Variants in APPBP2 observed in about 807,000 individuals in gnomAD.
APPBP2 encodes the protein amyloid protein-binding protein 2.
Under a neutral mutation model 76.0 loss-of-function variants are expected in APPBP2, and 15 were observed. The ratio of observed to expected loss-of-function variants is 0.20; its 90% CI spans 0.13 to 0.30. The LOEUF (loss-of-function observed/expected upper bound fraction) is 0.30. Ranked by LOEUF, APPBP2 falls within the 10% of genes least tolerant of loss-of-function variation. The pLI is 1.00. For synonymous variants in APPBP2, 222 were observed against 242.2 expected, an observed-to-expected ratio of 0.92 and a Z score of 0.77; for missense variants, 401 against 687.2, an observed-to-expected ratio of 0.58 and a Z score of 4.66.
chr17:60,473,099 A>G (rs1393996542), intron 4 of APPBP2, among the ~76,000 whole-genome samples: 1 of 152,156 alleles, frequency 6.6e-6, no homozygotes, highest in Non-Finnish European at 1.5e-5. Flanking sequence ...TGTGATGATA[A>G]TTATATTTGG....
At chr17:60,467,379 C>T (rs538078739) in intron 4 of APPBP2, among the ~76,000 whole-genome samples, 63 of 152,270 alleles carry the variant, frequency 4.1e-4, no homozygotes, top group African/African-American at 1.5e-3. Context: ...AGATTAGTAA[C>T]TCATAATGAG....
rs554610449 is a variant in APPBP2 at position 60,462,445 on chromosome 17, T to C, written c.763-384A>G. On this transcript the variant is annotated intron_variant, in intron 6 of 12. Coordinates refer to ENST00000083182, the MANE Select transcript of APPBP2 (RefSeq NM_006380.5). The stretch of plus-strand genomic sequence containing the variant: ...CCTGGAGTGGCTGACAACAATCTTT[T>C]GTTATTTTCATTTAATAATTTTTAA... 1.1e-4 allele frequency: 19 copies of C among 168,536 alleles called. No homozygotes were observed. In the East Asian group the frequency reaches 3.2e-3, roughly 29 times the overall value. The allele number at this position is 168,536 out of a possible 1,614,324, so 10.4% of individuals were successfully genotyped here. A position where few individuals can be genotyped will look rare whatever the true frequency, so the allele number is the denominator to read the frequency against.
intron 1 of APPBP2, among the ~76,000 whole-genome samples, chr17:60,507,184 G>A (rs1313891912): frequency 6.6e-6 from 1 of 151,746 alleles, no homozygotes; most frequent in African/African-American, 2.4e-5. Context: ...TACCCAGTAA[G>A]TAGTTTTTCA....
chr17:60,502,833 G>A (rs550265010), intron 1 of APPBP2, among the ~76,000 whole-genome samples: 7 of 145,860 alleles, frequency 4.8e-5, no homozygotes, highest in South Asian at 4.2e-4. Flanking sequence ...CCTGGGTGAT[G>A]GAGCAAAACT....
At chr17:60,486,593 A>C (rs973059540) in intron 3 of APPBP2, among the ~76,000 whole-genome samples, 2 of 152,054 alleles carry the variant, frequency 1.3e-5, no homozygotes, top group African/African-American at 4.8e-5. Flanking sequence ...GTGTCTCTGC[A>C]TGTGAGATGG....
In APPBP2 at chr17:60,526,156, CCAGGCCAAAAG is replaced by C. The variant is rs2091053831; in HGVS notation, c.-236_-226del. 1.8e-6 allele frequency: 1 copy of C among 548,430 alleles called. No individual in the cohort carries two copies. Among genetic ancestry groups the C allele is most frequent in the South Asian group, 2.0e-5 (1 of 49,468 alleles). 34.0% of individuals were successfully genotyped at this position (548,430 alleles called of 1,614,324 possible). A position where few individuals can be genotyped will look rare whatever the true frequency, so the allele number is the denominator to read the frequency against. On this transcript the variant is annotated 5_prime_UTR_variant, in exon 1 of 13. Transcript: ENST00000083182. ...AAGTGGGACAGAAAACAGCGGCCAGCCAGGCCAAAAGCGTCACAATCCCGGTTCGAGAGGAA... is the reference window on the plus strand; with the variant it reads ...AAGTGGGACAGAAAACAGCGGCCAGCCGTCACAATCCCGGTTCGAGAGGAA...
intron 4 of APPBP2, among the ~76,000 whole-genome samples, chr17:60,478,097 A>G (rs2090603769): frequency 6.6e-6 from 1 of 152,178 alleles, no homozygotes; most frequent in Non-Finnish European, 1.5e-5. Flanking sequence ...AAAAATACCT[A>G]GGAAATATGA....
At chr17:60,467,778 A>C (rs1173317063) in intron 4 of APPBP2, among the ~76,000 whole-genome samples, 2 of 152,310 alleles carry the variant, frequency 1.3e-5, no homozygotes, top group Middle Eastern at 3.4e-3. Context: ...AGCCAAGTGA[A>C]GATCTGGTGG....
In APPBP2 at chr17:60,447,853, AG is replaced by A. The variant is rs1213638239; in HGVS notation, c.1505-20del. On this transcript the variant is annotated intron_variant, in intron 12 of 12. Transcript: ENST00000083182. The stretch of plus-strand genomic sequence containing the variant: ...TTCTTCCCTGTAACAAAAAAGAAAA[AG>A]GAAAAAAAAAAAAGCACAAATAATG... 6 of 1,549,082 alleles carry A rather than the reference AG, an allele frequency of 3.9e-6. No homozygotes were observed. The highest frequency in any genetic ancestry group is 4.3e-6 in the Non-Finnish European group (5 of 1,150,686).
chr17:60,521,256 A>C (rs925975322), intron 1 of APPBP2, among the ~76,000 whole-genome samples: 1 of 152,252 alleles, frequency 6.6e-6, no homozygotes, highest in Non-Finnish European at 1.5e-5. Flanking sequence ...ATAAGATTAT[A>C]ATAGAGCCAA....
At chr17:60,521,555 T>A (rs1249166749) in intron 1 of APPBP2, among the ~76,000 whole-genome samples, 1 of 152,208 alleles carries the variant, frequency 6.6e-6, no homozygotes, top group African/African-American at 2.4e-5. Context: ...GGGCCACACG[T>A]GGCCCAGGTC....
intron 4 of APPBP2, among the ~76,000 whole-genome samples, chr17:60,472,022 T>C (rs574966368): frequency 6.6e-6 from 1 of 151,970 alleles, no homozygotes; most frequent in Non-Finnish European, 1.5e-5. Context: ...GCTACTTGGG[T>C]GGCTGAGGCA....
intron 12 of APPBP2, among the ~76,000 whole-genome samples, 163 bp downstream of exon 12, chr17:60,451,717 G>T (rs1158113637): frequency 1.3e-5 from 2 of 152,084 alleles, no homozygotes; most frequent in Non-Finnish European, 2.9e-5. Context: ...GACCTCAAGT[G>T]ATCTGCCTAT....
At chr17:60,465,637 G>A (rs947856274) in intron 5 of APPBP2, among the ~76,000 whole-genome samples, 2 of 152,256 alleles carry the variant, frequency 1.3e-5, no homozygotes, top group South Asian at 4.1e-4. Flanking sequence ...AGGAGGCCAA[G>A]GTAGAGGATC....
At chr17:60,515,598 T>C (rs2090956432) in intron 1 of APPBP2, among the ~76,000 whole-genome samples, 1 of 152,236 alleles carries the variant, frequency 6.6e-6, no homozygotes, top group Admixed American at 6.5e-5. Context: ...TGTCCAAGAA[T>C]AGCGTCTCCT....
At chr17:60,503,611 C>G (rs1413178449) in intron 1 of APPBP2, among the ~76,000 whole-genome samples, 2 of 146,196 alleles carry the variant, frequency 1.4e-5, no homozygotes, top group Non-Finnish European at 2.9e-5. Context: ...GTCTTGAACT[C>G]CTGACCTCAG....
chr17:60,486,433 T>C (rs1051937514), intron 3 of APPBP2, among the ~76,000 whole-genome samples: 3 of 152,134 alleles, frequency 2.0e-5, no homozygotes, highest in East Asian at 1.9e-4. Context: ...GTCGAATTGA[T>C]CCCTTTACCA....
intron 1 of APPBP2, among the ~76,000 whole-genome samples, chr17:60,524,440 A>G (rs1182434694): frequency 2.0e-5 from 3 of 152,200 alleles, no homozygotes; most frequent in Non-Finnish European, 4.4e-5. Context: ...AAATCAATGT[A>G]TCAAAGGGAT....
At chr17:60,468,583 T>C (rs1483466086) in intron 4 of APPBP2, 1 of 152,238 alleles carries the variant, frequency 6.6e-6, no homozygotes, top group African/African-American at 2.4e-5. Flanking sequence ...AAGGCACAGC[T>C]TGGTATTTTC....
Sources: gnomAD v4.1 joint callset for allele counts (sites outside exome capture counted in the v4.1 genomes callset) on GRCh38, gnomAD v4.1.1 for gene constraint, MANE v1.5 for transcripts, NCBI Gene and HGNC (gene_info 2026-07-23, HGNC 2026-07-21) for gene names.